Variants in CPEB2 observed in about 807,000 individuals in gnomAD.
CPEB2 encodes the protein cytoplasmic polyadenylation element binding protein 2.
In CPEB2, 56 loss-of-function variants were observed where a neutral mutation model predicts 93.6. The ratio of observed to expected loss-of-function variants is 0.60; its 90% CI spans 0.48 to 0.75. The LOEUF is 0.75. Among genes scored for constraint, CPEB2 ranks in the 30% least tolerant of loss-of-function variants. The pLI is 0.00. For missense variants in CPEB2, 1,579 were observed against 1,395.1 expected (o/e 1.13, Z -2.10); for synonymous variants, 764 against 586.3 (o/e 1.30, Z -4.38).
chr4:15,003,993 G>A lies in CPEB2; in HGVS notation c.1320G>A (p.Pro440=), dbSNP rs752722037. The change falls in exon 1 of 12, where the codon CCG becomes CCA. Residue 440 remains proline (P), a synonymous_variant. Coordinates refer to ENST00000538197, the MANE Select transcript of CPEB2 (RefSeq NM_001177382.2). The part of the protein sequence containing the change: ...GSGGSLSAMP[P]PSPDSENGFY... ...GCGGCTCGCTCAGCGCCATGCCGCCGCCCAGCCCCGACTCAGAGAACGGCT... is the reference window on the plus strand; with the variant it reads ...GCGGCTCGCTCAGCGCCATGCCGCCACCCAGCCCCGACTCAGAGAACGGCT... The A allele has an allele frequency of 1.3e-6, 2 of 1,524,120 alleles. No homozygotes were observed. Among genetic ancestry groups the A allele is most frequent in the South Asian group, 1.2e-5 (1 of 81,456 alleles). The allele number at this position is 1,524,120 out of a possible 1,614,324, so 94.4% of individuals were successfully genotyped here.
At chr4:15,008,448 T>A (rs556836059) in intron 3 of CPEB2, 21 bp downstream of exon 3, 88 of 1,544,584 alleles carry the variant, frequency 5.7e-5, no homozygotes, top group Non-Finnish European at 7.9e-5. Flanking sequence ...CAGTGTATAC[T>A]TTTTAGGATT....
At position 15,066,339 on chromosome 4, in the gene CPEB2, G is replaced by T; in HGVS notation, c.3064G>T (p.Gly1022Cys). The T allele has an allele frequency of 6.2e-7, 1 of 1,612,552 alleles. No homozygotes were observed. The highest frequency in any genetic ancestry group is 8.5e-7 in the Non-Finnish European group (1 of 1,179,170). Residue 1022 changes from glycine (G) to cysteine (C), a missense_variant, in exon 12 of 12, where the codon GGT becomes TGT. Transcript: ENST00000538197. ...GTTCCATAAGCCATTGGTAAAGGAAGGTGCTGATCGCCCACGTCAGATCCA... is the reference window on the plus strand; with the variant it reads ...GTTCCATAAGCCATTGGTAAAGGAATGTGCTGATCGCCCACGTCAGATCCA... ...REFHKPLVKE[G>C]ADRPRQIHFR...
rs969379155 is a variant in CPEB2, at chr4:15,003,437, C to A, written c.764C>A (p.Pro255Gln). 5.2e-6 allele frequency: 7 copies of A among 1,358,010 alleles called. No homozygotes were observed. The highest frequency in any genetic ancestry group is 6.6e-6 in the Non-Finnish European group (7 of 1,065,946). 84.1% of individuals were successfully genotyped at this position (1,358,010 alleles called of 1,614,324 possible). Residue 255 changes from proline to glutamine, a missense_variant, in exon 1 of 12, where the codon CCG (proline) becomes CAG (glutamine). Physicochemically the swap from Pro to Gln is moderately conservative, Grantham distance 76. This residue lies in a region of CPEB2 where 1,411 missense variants were observed against 1,056.0 expected (regional missense o/e 1.34). Coordinates refer to ENST00000538197, the MANE Select transcript of CPEB2 (RefSeq NM_001177382.2). ...CAGGACTTCGCCCCGCGGCAGCGTC[C>A]GGCAGACCTGCCCCCGCTCCCGCAG... ...SPQDFAPRQR[P>Q]ADLPPLPQLP...
chr4:15,004,061 C>A lies in CPEB2; in HGVS notation c.1388C>A (p.Pro463His). The A allele has an allele frequency of 6.4e-7, 1 of 1,567,700 alleles. No individual in the cohort carries two copies. Among genetic ancestry groups the A allele is most frequent in the Admixed American group, 1.8e-5 (1 of 54,604 alleles). ...LPSSMNPAFFPSFSPVSPHGC... is the reference protein window; with the variant it reads ...LPSSMNPAFFHSFSPVSPHGC... ...TCGTCCATGAACCCGGCCTTCTTCCCTAGCTTCTCGCCCGTGTCGCCGCAC... is the reference window on the plus strand; with the variant it reads ...TCGTCCATGAACCCGGCCTTCTTCCATAGCTTCTCGCCCGTGTCGCCGCAC... Residue 463 changes from proline (P) to histidine (H), a missense_variant, in exon 1 of 12, where the codon CCT (proline) becomes CAT (histidine). Around this residue, in one of 2 missense-constraint regions of CPEB2, gnomAD observed 1,411 missense variants for 1,056.0 expected, o/e 1.34. Coordinates refer to ENST00000538197, the MANE Select transcript of CPEB2 (RefSeq NM_001177382.2).
chr4:15,034,450 A>G (rs148656927), intron 5 of CPEB2, among the ~76,000 whole-genome samples: 34 of 152,318 alleles, frequency 2.2e-4, no homozygotes, highest in Middle Eastern at 3.4e-3. Flanking sequence ...ATCACATGGC[A>G]GAAAGAAGAG....
intron 2 of CPEB2, 96 bp downstream of exon 2, chr4:15,007,682 T>A: frequency 1.4e-6 from 1 of 727,870 alleles, no homozygotes; most frequent in Non-Finnish European, 2.0e-6. Context: ...ATTAACATTT[T>A]TTGAAATAAA....
In CPEB2 at chr4:15,003,900, C is replaced by G; in HGVS notation, c.1227C>G (p.Pro409=). The part of the protein sequence containing the change: ...PTQPQQQPPP[P]QQPPQPQPQP... ...AGCCGCAGCAGCAGCCGCCGCCACC[C>G]CAGCAGCCGCCCCAGCCGCAGCCGC... Residue 409 remains proline, a synonymous_variant, in exon 1 of 12, where the codon CCC becomes CCG. Transcript: ENST00000538197. The G allele has an allele frequency of 1.1e-6, 1 of 924,744 alleles. No individual in the cohort carries two copies. The highest frequency in any genetic ancestry group is 1.4e-6 in the Non-Finnish European group (1 of 709,530). 57.3% of individuals were successfully genotyped at this position (924,744 alleles called of 1,614,324 possible).
chr4:15,024,142 A>G (rs1443868263), intron 4 of CPEB2, among the ~76,000 whole-genome samples: 2 of 152,166 alleles, frequency 1.3e-5, no homozygotes, highest in Non-Finnish European at 2.9e-5. Context: ...GCATCAAATT[A>G]TCATCCAGAT....
intron 1 of CPEB2, among the ~76,000 whole-genome samples, chr4:15,005,315 C>T (rs757492471): frequency 7.2e-5 from 11 of 152,212 alleles, no homozygotes; most frequent in Non-Finnish European, 1.3e-4. Context: ...CGTAGACTTT[C>T]GGTACATTTT....
At chr4:15,006,407 A>G (rs1165112765) in intron 1 of CPEB2, 1 of 151,442 alleles carries the variant, frequency 6.6e-6, no homozygotes, top group East Asian at 1.9e-4. Flanking sequence ...ATTACCAGCA[A>G]TGAATACTTC....
chr4:15,030,870 T>A (rs1272894063), intron 4 of CPEB2, among the ~76,000 whole-genome samples: 1 of 152,144 alleles, frequency 6.6e-6, no homozygotes, highest in Non-Finnish European at 1.5e-5. Flanking sequence ...AAAAGACTAT[T>A]AGCAGTGAAA....
At position 15,003,453 on chromosome 4, in the gene CPEB2, GCT is replaced by G. The variant is rs1722277721; in HGVS notation, c.782_783del (p.Leu261ProfsTer66). On this transcript the variant is annotated frameshift_variant, in exon 1 of 12. Transcript: ENST00000538197. LOFTEE classifies it high-confidence loss of function. ...GGCAGCGTCCGGCAGACCTGCCCCC[GCT>G]CCCGCAGCTCCCTCCCTCGCCGCCT... Reference protein sequence around the residue: ...PRQRPADLPPLPQLPPSPPAA... With the variant: ...PRQRPADLPPXPQLPPSPPAA... The G allele has an allele frequency of 1.6e-5, 22 of 1,363,198 alleles. No individual in the cohort carries two copies. Among genetic ancestry groups the G allele is most frequent in the Non-Finnish European group, 2.0e-5 (21 of 1,067,494 alleles). 84.4% of individuals were successfully genotyped at this position (1,363,198 alleles called of 1,614,324 possible).
At chr4:15,054,023 G>C (rs1728492205) in intron 7 of CPEB2, 105 bp from the exon 8 acceptor site, 1 of 657,500 alleles carries the variant, frequency 1.5e-6, no homozygotes, top group Non-Finnish European at 2.6e-6. Context: ...TTATCTTAAG[G>C]TATTTGGCAC....
At chr4:15,053,161 C>T (rs771614727) in intron 7 of CPEB2, among the ~76,000 whole-genome samples, 2 of 151,890 alleles carry the variant, frequency 1.3e-5, no homozygotes, top group Non-Finnish European at 2.9e-5. Context: ...GGACTACAGG[C>T]GCCCGCCACC....
chr4:15,062,267 T>G lies in CPEB2; in HGVS notation c.2877+7T>G. The G allele has an allele frequency of 6.3e-7, 1 of 1,598,704 alleles. No individual in the cohort carries two copies. Among genetic ancestry groups the G allele is most frequent in the South Asian group, 1.1e-5 (1 of 89,596 alleles). Reference sequence around the variant, plus strand: ...TGGTGATATTGATAAACGTGTAAGTTGCATATTGGGAAATCACTTATGTCC... The same window carrying G: ...TGGTGATATTGATAAACGTGTAAGTGGCATATTGGGAAATCACTTATGTCC... On this transcript the variant is annotated splice_region_variant and intron_variant, in intron 11 of 11. Transcript: ENST00000538197.
Position 15,008,300 on chromosome 4 carries a change from A to G in CPEB2, c.1945-38A>G, listed in dbSNP as rs1178692741. 4.1e-6 allele frequency: 6 copies of G among 1,465,392 alleles called. No homozygotes were observed. In the Admixed American group the frequency reaches 6.7e-5, roughly 16 times the overall value. The allele number at this position is 1,465,392 out of a possible 1,614,324, so 90.8% of individuals were successfully genotyped here. Reference sequence around the variant, plus strand: ...TCGTTGGGTGGGTATGGGGAAGACAACTGCTCATTTCTGATGAAAACTTCT... The same window carrying G: ...TCGTTGGGTGGGTATGGGGAAGACAGCTGCTCATTTCTGATGAAAACTTCT... On this transcript the variant is annotated intron_variant, in intron 2 of 11. Transcript: ENST00000538197.
intron 5 of CPEB2, among the ~76,000 whole-genome samples, chr4:15,036,495 GTATAAATCCTAAACACTTTT>G (rs1394422410): frequency 6.6e-6 from 1 of 151,938 alleles, no homozygotes. Flanking sequence ...ATTTCTAAAT[GTATAAATCCTAAACACTTTT>G]TATTATCAGT....
intron 8 of CPEB2, among the ~76,000 whole-genome samples, chr4:15,054,907 A>G (rs1372343976): frequency 1.3e-5 from 2 of 152,204 alleles, no homozygotes; most frequent in Non-Finnish European, 2.9e-5. Flanking sequence ...TTCAAAGATT[A>G]AGACTTTACT....
intron 6 of CPEB2, 101 bp downstream of exon 6, chr4:15,040,588 C>A: frequency 9.5e-7 from 1 of 1,053,140 alleles, no homozygotes; most frequent in Non-Finnish European, 1.4e-6. Context: ...TATCTGAAAA[C>A]TCACACAATT....
Sources: allele counts gnomAD v4.1 joint callset (sites outside exome capture counted in the v4.1 genomes callset), GRCh38; gene constraint gnomAD v4.1.1; regional missense constraint gnomAD v4.1.1; transcripts MANE v1.5; gene names NCBI Gene and HGNC (gene_info 2026-07-23, HGNC 2026-07-21).